PSPC1: variants seen among roughly 807,000 people sequenced by gnomAD.
PSPC1 encodes paraspeckle protein 1.
A neutral mutation model predicts 51.6 loss-of-function variants in PSPC1; 14 were observed. That is an observed-to-expected ratio of 0.27 (90% CI 0.18 to 0.42). The LOEUF (loss-of-function observed/expected upper bound fraction) is 0.42. Among genes scored for constraint, PSPC1 ranks in the 10% least tolerant of loss-of-function variants. The probability of loss-of-function intolerance (pLI) is 1.00; values close to 1 mark genes in which losing one functional copy is unlikely to be tolerated. For synonymous variants in PSPC1, 193 were observed against 231.9 expected (o/e 0.83, Z 1.53); for missense variants, 406 against 701.1 (o/e 0.58, Z 4.75).
intron 1 of PSPC1, among the ~76,000 whole-genome samples, chr13:19,774,579 CA>C (rs2138328967): frequency 6.7e-6 from 1 of 149,038 alleles, no homozygotes; most frequent in South Asian, 2.1e-4. Context: ...GCAGGTAGAT[CA>C]CTTGAGGTCA....
intron 6 of PSPC1, among the ~76,000 whole-genome samples, chr13:19,686,744 G>A (rs1029303209): frequency 3.9e-5 from 6 of 152,180 alleles, no homozygotes; most frequent in African/African-American, 1.4e-4. Flanking sequence ...GTGCAACAGT[G>A]TAATAAAGAT....
At chr13:19,724,625 TG>T (rs1883140837) in intron 6 of PSPC1, among the ~76,000 whole-genome samples, 1 of 152,130 alleles carries the variant, frequency 6.6e-6, no homozygotes, top group African/African-American at 2.4e-5. Context: ...GAAGCCAAGG[TG>T]GGCGGGTCAC....
At chr13:19,741,165 C>T (rs1885399551) in intron 5 of PSPC1, among the ~76,000 whole-genome samples, 1 of 152,058 alleles carries the variant, frequency 6.6e-6, no homozygotes, top group Non-Finnish European at 1.5e-5. Flanking sequence ...TGAGCTACTG[C>T]CCCCAGCCTC....
chr13:19,716,637 T>C (rs932710439), intron 6 of PSPC1, among the ~76,000 whole-genome samples: 5 of 152,162 alleles, frequency 3.3e-5, no homozygotes, highest in Non-Finnish European at 5.9e-5. Flanking sequence ...TAAAATAATG[T>C]AGAACATTTA....
At chr13:19,739,437 G>A (rs1314909572) in intron 5 of PSPC1, among the ~76,000 whole-genome samples, 4 of 152,084 alleles carry the variant, frequency 2.6e-5, no homozygotes, top group Non-Finnish European at 4.4e-5. Flanking sequence ...AGGAGGTTTC[G>A]TTGTCTTTGT....
downstream of PSPC1, chr13:19,673,288 T>C (rs1250679205): frequency 3.8e-5 from 14 of 367,094 alleles, no homozygotes; most frequent in Non-Finnish European, 5.9e-5. Flanking sequence ...TTGAAAATTG[T>C]TTTGTTCCTC....
At position 19,730,333 on chromosome 13, in the gene PSPC1, T is replaced by C; in HGVS notation, c.1064A>G (p.Glu355Gly). The change falls in exon 6 of 9, where the codon GAG becomes GGG. Residue 355 changes from glutamate (E) to glycine (G), a missense_variant. Around this residue, in one of 5 missense-constraint regions of PSPC1, gnomAD observed 61 missense variants for 78.4 expected, o/e 0.78. Coordinates refer to ENST00000338910, the MANE Select transcript of PSPC1 (RefSeq NM_001354909.2). Reference sequence around the variant, plus strand: ...CATTTCTTCCTCACGCCGCCGATGCTCCTCTTCATGTCTGAAAATTTTTCA... The same window carrying C: ...CATTTCTTCCTCACGCCGCCGATGCCCCTCTTCATGTCTGAAAATTTTTCA... ...RKQIQLRHEE[E>G]HRRREEEMIR... The C allele has an allele frequency of 3.7e-6, 6 of 1,614,024 alleles. No homozygotes were observed. Among genetic ancestry groups the C allele is most frequent in the Non-Finnish European group, 5.1e-6 (6 of 1,179,980 alleles).
intron 1 of PSPC1, among the ~76,000 whole-genome samples, chr13:19,772,937 G>A (rs1185765424): frequency 2.6e-5 from 4 of 152,010 alleles, no homozygotes; most frequent in African/African-American, 9.7e-5. Flanking sequence ...TGAGGCGGGC[G>A]GATCACCTGA....
At chr13:19,745,689 G>A (rs1412339933) in intron 4 of PSPC1, among the ~76,000 whole-genome samples, 5 of 148,482 alleles carry the variant, frequency 3.4e-5, no homozygotes, top group South Asian at 2.1e-4. Context: ...GCGTGATCTC[G>A]GCTCACTGCA....
At chr13:19,772,145 A>C in intron 2 of PSPC1, 97 bp downstream of exon 2, 1 of 1,302,034 alleles carries the variant, frequency 7.7e-7, no homozygotes, top group East Asian at 2.3e-5. Context: ...CCTACTTACC[A>C]TATGCTAGTA....
chr13:19,732,819 C>G (rs886343179), intron 5 of PSPC1, among the ~76,000 whole-genome samples: 22 of 151,784 alleles, frequency 1.4e-4, no homozygotes, highest in African/African-American at 5.3e-4. Context: ...CCCAGCTACT[C>G]GGGAGGCTGA....
At chr13:19,763,503 G>A (rs1271408978) in intron 2 of PSPC1, among the ~76,000 whole-genome samples, 2 of 152,172 alleles carry the variant, frequency 1.3e-5, no homozygotes, top group Non-Finnish European at 2.9e-5. Flanking sequence ...GAGAGAGAGA[G>A]GCTTCGGGAC....
chr13:19,688,960 C>A (rs1565960329), intron 6 of PSPC1, among the ~76,000 whole-genome samples: 3 of 142,334 alleles, frequency 2.1e-5, no homozygotes. Context: ...GTGATAAACT[C>A]TTAAAAAAAA....
chr13:19,695,137 G>C (rs1000497118), intron 6 of PSPC1, among the ~76,000 whole-genome samples: 1 of 152,138 alleles, frequency 6.6e-6, no homozygotes, highest in Non-Finnish European at 1.5e-5. Flanking sequence ...ATAGAAACTG[G>C]CTGTGATAGG....
intron 6 of PSPC1, among the ~76,000 whole-genome samples, chr13:19,715,267 C>T (rs1881957844): frequency 6.6e-6 from 1 of 152,098 alleles, no homozygotes; most frequent in Non-Finnish European, 1.5e-5. Flanking sequence ...TTTTTAAAAT[C>T]GCAGTCAGTT....
intron 8 of PSPC1, among the ~76,000 whole-genome samples, chr13:19,703,907 A>T (rs987000179): frequency 6.6e-6 from 1 of 152,230 alleles, no homozygotes; most frequent in Non-Finnish European, 1.5e-5. Context: ...TCCTTGAAAG[A>T]TTATCATGGG....
intron 2 of PSPC1, among the ~76,000 whole-genome samples, chr13:19,762,418 G>A (rs569142180): frequency 1.8e-4 from 28 of 152,304 alleles, no homozygotes; most frequent in South Asian, 1.0e-3. Flanking sequence ...AAATTAGCCA[G>A]GCGTGGTGGC....
intron 7 of PSPC1, among the ~76,000 whole-genome samples, chr13:19,676,125 G>T (rs927714514): frequency 2.0e-5 from 3 of 152,170 alleles, no homozygotes; most frequent in Non-Finnish European, 4.4e-5. Context: ...CCACAGGCTT[G>T]ATCTATGCCA....
intron 5 of PSPC1, among the ~76,000 whole-genome samples, chr13:19,734,420 C>T (rs1884513631): frequency 6.6e-6 from 1 of 152,198 alleles, no homozygotes; most frequent in Non-Finnish European, 1.5e-5. Context: ...AACCTCCTTG[C>T]TGTTATTGTT....
Sources: allele counts gnomAD v4.1 joint callset (sites outside exome capture counted in the v4.1 genomes callset), GRCh38; gene constraint gnomAD v4.1.1; regional missense constraint gnomAD v4.1.1; transcripts MANE v1.5; gene names NCBI Gene and HGNC (gene_info 2026-07-23, HGNC 2026-07-21).